Variants in CCDC73 observed in about 807,000 individuals in gnomAD.
The protein encoded by CCDC73 is coiled-coil domain containing 73, also known as coiled-coil domain-containing protein 73.
A neutral mutation model predicts 116.5 loss-of-function variants in CCDC73; 95 were observed. The observed-to-expected ratio is 0.82, with a 90% CI of 0.69 to 0.97. The LOEUF (loss-of-function observed/expected upper bound fraction) is 0.97, where lower values mean the gene tolerates loss of function less well. CCDC73 is among the 50% of genes least tolerant of loss of function. CCDC73 has a pLI of 0.00. For synonymous variants in CCDC73, 398 were observed against 401.3 expected (o/e 0.99, Z 0.10); for missense variants, 1,066 against 1,206.8 (o/e 0.88, Z 1.73).
At chr11:32,738,229 T>C (rs925903975) in intron 2 of CCDC73, among the ~76,000 whole-genome samples, 1 of 152,238 alleles carries the variant, frequency 6.6e-6, no homozygotes, top group Non-Finnish European at 1.5e-5. Context: ...AGTGGTGGGA[T>C]TGCTGGATCA....
chr11:32,661,931 A>G (rs1334010385), intron 9 of CCDC73, among the ~76,000 whole-genome samples: 2 of 150,714 alleles, frequency 1.3e-5, no homozygotes, highest in South Asian at 2.1e-4. Flanking sequence ...GAGAAAATGC[A>G]GTGTTTGGTT....
At chr11:32,767,738 C>A (rs1268856158) in intron 1 of CCDC73, among the ~76,000 whole-genome samples, 5 of 152,154 alleles carry the variant, frequency 3.3e-5, no homozygotes, top group Non-Finnish European at 5.9e-5. Flanking sequence ...TCATCACTGG[C>A]CATCAGAGAA....
In CCDC73 at chr11:32,611,171, C is replaced by T. The variant is rs780962499; in HGVS notation, c.2991G>A (p.Met997Ile). 12 of 1,613,858 alleles carry T rather than the reference C, an allele frequency of 7.4e-6. No homozygotes were observed. The South Asian group carries it at 1.2e-4, about 16-fold the overall frequency. ...KGEPSEEKNA[M>I]AKTFYDSSFP... is the part of the protein sequence containing the mutation. ...AAGAGGAATCATAAAAAGTCTTTGC[C>T]ATTGCATTCTTCTCTTCACTGGGTT... Residue 997 changes from methionine (M) to isoleucine (I), a missense_variant, in exon 17 of 18, where the codon ATG (methionine) becomes ATA (isoleucine). Met to Ile is a conservative substitution (Grantham distance 10, BLOSUM62 1). Coordinates refer to ENST00000335185, the MANE Select transcript of CCDC73 (RefSeq NM_001008391.4).
intron 12 of CCDC73, among the ~76,000 whole-genome samples, chr11:32,650,766 G>C (rs184718993): frequency 1.3e-5 from 2 of 152,216 alleles, no homozygotes; most frequent in Admixed American, 1.3e-4. Context: ...ATAAGCCATA[G>C]AACATCAATG....
intron 1 of CCDC73, among the ~76,000 whole-genome samples, chr11:32,768,866 GAGACAA>G (rs957831523): frequency 1.3e-5 from 2 of 152,052 alleles, no homozygotes; most frequent in African/African-American, 4.8e-5. Context: ...AGAAAGAAAA[GAGACAA>G]AGACAAAGAC....
At position 32,683,511 on chromosome 11, in the gene CCDC73, A is replaced by G. The variant is rs115290211; in HGVS notation, c.429+25T>C. 7.8e-4 allele frequency: 1,131 copies of G among 1,455,588 alleles called. 7 individuals are homozygous for G. The African/African-American group carries it at 0.014, about 17-fold the overall frequency. The allele number at this position is 1,455,588 out of a possible 1,614,324, so 90.2% of individuals were successfully genotyped here. ...CCCTAAGTACTAATCCAGATGGGGG[A>G]AAATATGTTTTGTAATTTCCTTACC... On this transcript the variant is annotated intron_variant, in intron 7 of 17. Coordinates refer to ENST00000335185, the MANE Select transcript of CCDC73 (RefSeq NM_001008391.4).
intron 14 of CCDC73, among the ~76,000 whole-genome samples, chr11:32,619,781 A>C (rs1428013355): frequency 6.6e-6 from 1 of 150,772 alleles, no homozygotes; most frequent in Non-Finnish European, 1.5e-5. Flanking sequence ...GAGCAGAAGA[A>C]GCAGAAGAAG....
At chr11:32,626,836 A>C (rs939187141) in intron 14 of CCDC73, among the ~76,000 whole-genome samples, 2 of 152,244 alleles carry the variant, frequency 1.3e-5, no homozygotes, top group Non-Finnish European at 2.9e-5. Flanking sequence ...AGCTGGATTA[A>C]AGACTTACAT....
intron 13 of CCDC73, 146 bp downstream of exon 13, chr11:32,641,826 C>A (rs1284255696): frequency 1.2e-5 from 7 of 577,774 alleles, no homozygotes; most frequent in Non-Finnish European, 1.8e-5. Context: ...AAAGCATTCA[C>A]CTTTTTGGAA....
chr11:32,825,639 C>A, the CCDC73 span, among the ~76,000 whole-genome samples: 1 of 152,112 alleles, frequency 6.6e-6, no homozygotes, highest in African/African-American at 2.4e-5. Flanking sequence ...CCGTCAATTG[C>A]ATAGCTAGAA....
chr11:32,732,541 G>C (rs1447800782), intron 2 of CCDC73, among the ~76,000 whole-genome samples: 1 of 152,144 alleles, frequency 6.6e-6, no homozygotes, highest in East Asian at 1.9e-4. Context: ...ACCCACAAAG[G>C]GAAGCCCATC....
chr11:32,740,366 T>A (rs1208432774), intron 2 of CCDC73, among the ~76,000 whole-genome samples: 1 of 152,108 alleles, frequency 6.6e-6, no homozygotes, highest in Admixed American at 6.6e-5. Flanking sequence ...AGCTTCTGCC[T>A]CATTACTTGT....
chr11:32,746,352 C>G (rs1269876985), intron 2 of CCDC73, among the ~76,000 whole-genome samples: 1 of 152,148 alleles, frequency 6.6e-6, no homozygotes, highest in Non-Finnish European at 1.5e-5. Flanking sequence ...TCTGGCTGCC[C>G]TTAACATTTT....
At chr11:32,757,197 A>T (rs1038233254) in intron 2 of CCDC73, among the ~76,000 whole-genome samples, 9 of 152,160 alleles carry the variant, frequency 5.9e-5, no homozygotes, top group African/African-American at 1.4e-4. Context: ...CACAAAAAAA[A>T]TACTGAATGA....
chr11:32,671,001 A>C (rs1355484859), intron 9 of CCDC73, among the ~76,000 whole-genome samples: 1 of 152,214 alleles, frequency 6.6e-6, no homozygotes, highest in East Asian at 1.9e-4. Context: ...CTTCCACTGA[A>C]AAACATGCTT....
At chr11:32,829,758 G>A in the CCDC73 span, 1 of 985,212 alleles carries the variant, frequency 1.0e-6, no homozygotes, top group East Asian at 1.1e-4. Context: ...CAGAACTGGC[G>A]GCAGGCGGCT....
chr11:32,806,161 A>G, the CCDC73 span, among the ~76,000 whole-genome samples: 1 of 152,354 alleles, frequency 6.6e-6, no homozygotes, highest in Admixed American at 6.5e-5. Context: ...TATGTGTATA[A>G]TCTTTGCTGT....
chr11:32,709,441 C>T (rs908583917), intron 3 of CCDC73, among the ~76,000 whole-genome samples: 2 of 152,124 alleles, frequency 1.3e-5, no homozygotes, highest in South Asian at 2.1e-4. Context: ...GGGCTGCAGG[C>T]GCCTGCCACC....
chr11:32,763,869 A>T (rs1276926525), intron 1 of CCDC73, among the ~76,000 whole-genome samples: 2 of 152,198 alleles, frequency 1.3e-5, no homozygotes, highest in African/African-American at 4.8e-5. Flanking sequence ...ACCTTGAAAA[A>T]GATTAGACAA....
Sources: gnomAD v4.1 joint callset for allele counts (sites outside exome capture counted in the v4.1 genomes callset) on GRCh38, gnomAD v4.1.1 for gene constraint, MANE v1.5 for transcripts, NCBI Gene and HGNC (gene_info 2026-07-23, HGNC 2026-07-21) for gene names.